LGR6: variants seen among roughly 807,000 people sequenced by gnomAD.
LGR6 encodes the protein leucine-rich repeat-containing G protein-coupled receptor 6.
LGR6 carries 45 observed loss-of-function variants against 69.4 expected under a neutral mutation model. The ratio of observed to expected loss-of-function variants is 0.65; its 90% confidence interval spans 0.51 to 0.83. The LOEUF is 0.83. LGR6 is among the 40% of genes least tolerant of loss of function. The pLI is 0.00. For missense variants in LGR6, 1,108 were observed against 1,246.7 expected (o/e 0.89, Z 1.68); for synonymous variants, 538 against 555.0 (o/e 0.97, Z 0.43).
intron 9 of LGR6, among the ~76,000 whole-genome samples, chr1:202,302,932 C>T (rs1343409774): frequency 6.6e-6 from 1 of 152,158 alleles, no homozygotes; most frequent in African/African-American, 2.4e-5. Context: ...AACCCAGCAG[C>T]CAAGGGCTTC....
At chr1:202,270,617 CAT>C (rs1558051455) in intron 4 of LGR6, among the ~76,000 whole-genome samples, 1 of 152,196 alleles carries the variant, frequency 6.6e-6, no homozygotes, top group Non-Finnish European at 1.5e-5. Flanking sequence ...TCAGGCTCCT[CAT>C]ATGAGACGAG....
chr1:202,241,354 C>G (rs1291775008), intron 4 of LGR6, among the ~76,000 whole-genome samples: 1 of 152,190 alleles, frequency 6.6e-6, no homozygotes, highest in Non-Finnish European at 1.5e-5. Context: ...CAGCTAGAAC[C>G]AGATGGGGGC....
chr1:202,198,267 G>T (rs1407053601), intron 1 of LGR6, among the ~76,000 whole-genome samples: 1 of 152,224 alleles, frequency 6.6e-6, no homozygotes, highest in Non-Finnish European at 1.5e-5. Flanking sequence ...ACAAAGCAGA[G>T]TTCAAGCTAT....
chr1:202,244,150 G>C (rs937593581), intron 4 of LGR6, among the ~76,000 whole-genome samples: 1 of 152,060 alleles, frequency 6.6e-6, no homozygotes, highest in Admixed American at 6.5e-5. Context: ...GTAGAGATGG[G>C]GTTTCACCAT....
intron 17 of LGR6, among the ~76,000 whole-genome samples, chr1:202,316,313 A>G (rs1470248376): frequency 6.6e-6 from 1 of 152,152 alleles, no homozygotes; most frequent in Non-Finnish European, 1.5e-5. Flanking sequence ...GGTATGTGCA[A>G]ATAGATCACA....
At chr1:202,221,398 T>C (rs755396556) in intron 1 of LGR6, among the ~76,000 whole-genome samples, 46 of 152,242 alleles carry the variant, frequency 3.0e-4, no homozygotes, top group Admixed American at 9.1e-4. Flanking sequence ...AGGGTGAAAC[T>C]CTGAGAACAT....
chr1:202,207,919 T>C lies in LGR6; in HGVS notation c.212+13718T>C, dbSNP rs115019772. Among the ~76,000 whole-genome samples the C allele has an allele frequency of 3.5e-3, 531 of 152,338 alleles. 3 individuals carry two copies. The Middle Eastern group carries it at 0.061, about 18-fold the overall frequency. ...GCACAGCTGTGCTAGGTGCTGACAC[T>C]AACTTTCACTGCAAAAAACAGAGTC... On this transcript the variant is annotated intron_variant, in intron 1 of 17. Transcript: ENST00000367278.
chr1:202,235,681 G>T (rs928001922), intron 3 of LGR6, among the ~76,000 whole-genome samples: 4 of 152,090 alleles, frequency 2.6e-5, no homozygotes, highest in Non-Finnish European at 4.4e-5. Context: ...GGTCCCTTCT[G>T]AGATGCTCTC....
intron 2 of LGR6, among the ~76,000 whole-genome samples, chr1:202,226,503 G>A (rs141120375): frequency 0.011 from 1,711 of 152,184 alleles, 32 homozygotes; most frequent in African/African-American, 0.039. Flanking sequence ...CCTTGCCACC[G>A]TGACCCTAGA....
intron 4 of LGR6, among the ~76,000 whole-genome samples, chr1:202,265,147 G>A (rs890515195): frequency 6.6e-6 from 1 of 152,150 alleles, no homozygotes; most frequent in Admixed American, 6.5e-5. Flanking sequence ...AAGTGGGTAT[G>A]GAAAGGTTAA....
chr1:202,283,425 C>T (rs1571960512), intron 6 of LGR6, among the ~76,000 whole-genome samples: 1 of 152,198 alleles, frequency 6.6e-6, no homozygotes, highest in East Asian at 1.9e-4. Flanking sequence ...GCATAATTGG[C>T]ACGCTTTGCA....
Position 202,310,272 on chromosome 1 carries a change from G to T in LGR6, c.1482G>T (p.Gln494His), listed in dbSNP as rs781032583. The stretch of plus-strand genomic sequence containing the variant: ...CCAGCTTCTTCAAGGCCTCTGGGCA[G>T]TGGGAGGCTGAAGACCTTCACCTTG... ...MCASFFKASGQWEAEDLHLDD... is the reference protein window; with the variant it reads ...MCASFFKASGHWEAEDLHLDD... Residue 494 changes from glutamine (Q) to histidine (H), a missense_variant, in exon 16 of 18, where the codon CAG becomes CAT. Physicochemically the swap from Gln to His is conservative, Grantham distance 24. Coordinates refer to ENST00000367278, the MANE Select transcript of LGR6 (RefSeq NM_001017403.2). 1 of 1,614,168 alleles carries T rather than the reference G, an allele frequency of 6.2e-7. No individual in the cohort carries two copies. Among genetic ancestry groups the T allele is most frequent in the East Asian group, 2.2e-5 (1 of 44,882 alleles).
intron 6 of LGR6, among the ~76,000 whole-genome samples, chr1:202,281,948 G>T (rs1666036914): frequency 6.6e-6 from 1 of 152,164 alleles, no homozygotes; most frequent in South Asian, 2.1e-4. Context: ...GGAGGCCTGG[G>T]CTAATGGCAT....
At chr1:202,240,045 G>A (rs1020524543) in intron 4 of LGR6, among the ~76,000 whole-genome samples, 6 of 152,098 alleles carry the variant, frequency 3.9e-5, no homozygotes, top group African/African-American at 1.2e-4. Context: ...AGGGTATACC[G>A]TCAGCAAGAG....
intron 16 of LGR6, among the ~76,000 whole-genome samples, chr1:202,312,585 CAACA>C (rs1485894689): frequency 9.2e-5 from 14 of 152,282 alleles, no homozygotes; most frequent in Middle Eastern, 3.4e-3. Context: ...GGAACAAGTG[CAACA>C]AACAGAGTCA....
intron 4 of LGR6, among the ~76,000 whole-genome samples, chr1:202,259,177 A>G (rs1157686663): frequency 6.6e-6 from 1 of 152,152 alleles, no homozygotes; most frequent in East Asian, 1.9e-4. Context: ...TAATTACAAT[A>G]TGTACATCCT....
chr1:202,249,694 C>A (rs1663066858), intron 4 of LGR6, among the ~76,000 whole-genome samples: 1 of 152,194 alleles, frequency 6.6e-6, no homozygotes, highest in African/African-American at 2.4e-5. Context: ...TTAACTCTTT[C>A]ACCACTGCAT....
rs539322228 is a variant in LGR6, at chr1:202,276,604, C to A, written c.644+83C>A. On this transcript the variant is annotated intron_variant, in intron 5 of 17. Coordinates refer to ENST00000367278, the MANE Select transcript of LGR6 (RefSeq NM_001017403.2). ...ATGTTTACTTGAGTTGGATTGGAGCCTGGCTAGCTTTGCTCTTCTTTGCAT... is the reference window on the plus strand; with the variant it reads ...ATGTTTACTTGAGTTGGATTGGAGCATGGCTAGCTTTGCTCTTCTTTGCAT... The A allele has an allele frequency of 1.2e-4, 138 of 1,195,512 alleles. 2 individuals carry two copies. The South Asian group carries it at 1.8e-3, about 16-fold the overall frequency. The allele number at this position is 1,195,512 out of a possible 1,614,324, so 74.1% of individuals were successfully genotyped here.
rs747694531 is a variant in LGR6, at chr1:202,305,765, G to C, written c.1136+16G>C. 1.2e-6 allele frequency: 2 copies of C among 1,613,442 alleles called. No homozygotes were observed. The highest frequency in any genetic ancestry group is 2.2e-5 in the South Asian group (2 of 91,070). On this transcript the variant is annotated intron_variant, in intron 12 of 17. Coordinates refer to ENST00000367278, the MANE Select transcript of LGR6 (RefSeq NM_001017403.2). ...TGGAGGAAATGTGAGTCTGGGGTAG[G>C]GAAGAGGCAAAAGCACGCCAGCCAG...
Sources: allele counts gnomAD v4.1 joint callset (sites outside exome capture counted in the v4.1 genomes callset), GRCh38; gene constraint gnomAD v4.1.1; transcripts MANE v1.5; gene names NCBI Gene and HGNC (gene_info 2026-07-23, HGNC 2026-07-21).